The following TMEM132B variants were observed in gnomAD, a reference collection of about 807,000 sequenced individuals.
TMEM132B encodes transmembrane protein 132B.
Under a neutral mutation model 90.8 loss-of-function variants are expected in TMEM132B, and 18 were observed. The ratio of observed to expected loss-of-function variants is 0.20; its 90% CI spans 0.14 to 0.29. The LOEUF (loss-of-function observed/expected upper bound fraction) is 0.29. TMEM132B is among the 10% of genes least tolerant of loss of function. The pLI is 1.00. For missense variants in TMEM132B, 1,096 were observed against 1,326.8 expected (o/e 0.83, Z 2.70); for synonymous variants, 504 against 523.3 (o/e 0.96, Z 0.50).
chr12:125,470,844 G>A (rs977206748), intron 3 of TMEM132B, among the ~76,000 whole-genome samples: 24 of 152,270 alleles, frequency 1.6e-4, no homozygotes, highest in African/African-American at 5.8e-4. Context: ...TTCTCTGGGA[G>A]TCATTTTTCC....
At chr12:125,449,679 G>T (rs1352134442) in intron 3 of TMEM132B, among the ~76,000 whole-genome samples, 1 of 122,066 alleles carries the variant, frequency 8.2e-6, no homozygotes, top group African/African-American at 3.5e-5. Context: ...TCAAATTGTG[G>T]GGTTTTTTTT....
chr12:125,241,028 C>T (rs1468412886), intron 1 of TMEM132B, among the ~76,000 whole-genome samples: 3 of 152,274 alleles, frequency 2.0e-5, no homozygotes, highest in Middle Eastern at 3.4e-3. Context: ...TTTAAAACAA[C>T]GATTCTTAAC....
At chr12:125,575,080 A>ATATG (rs1884910335) in intron 4 of TMEM132B, among the ~76,000 whole-genome samples, 1 of 116,604 alleles carries the variant, frequency 8.6e-6, no homozygotes, top group African/African-American at 3.0e-5. Context: ...ATATATATAT[A>ATATG]TATTCAGGAG....
At chr12:125,449,381 T>C (rs751801096) in intron 3 of TMEM132B, among the ~76,000 whole-genome samples, 11 of 152,254 alleles carry the variant, frequency 7.2e-5, no homozygotes, top group Non-Finnish European at 1.6e-4. Flanking sequence ...TGAAATTGCT[T>C]ATAACATTCT....
intron 2 of TMEM132B, among the ~76,000 whole-genome samples, chr12:125,388,696 G>T (rs1878919175): frequency 6.6e-6 from 1 of 152,112 alleles, no homozygotes; most frequent in Non-Finnish European, 1.5e-5. Context: ...ATCTTTTCCA[G>T]AACAGTGTTC....
chr12:125,424,091 A>G (rs1880246718), intron 3 of TMEM132B, among the ~76,000 whole-genome samples: 1 of 152,208 alleles, frequency 6.6e-6, no homozygotes, highest in Admixed American at 6.5e-5. Flanking sequence ...TATTCTATTC[A>G]TTCCCCATAT....
At chr12:125,520,195 A>G (rs1365294313) in intron 4 of TMEM132B, among the ~76,000 whole-genome samples, 1 of 152,168 alleles carries the variant, frequency 6.6e-6, no homozygotes, top group Non-Finnish European at 1.5e-5. Context: ...AGTTACGTTC[A>G]TAGTCAAGCT....
At chr12:125,345,741 T>G (rs1003287007) in intron 1 of TMEM132B, among the ~76,000 whole-genome samples, 3 of 152,292 alleles carry the variant, frequency 2.0e-5, no homozygotes, top group African/African-American at 7.2e-5. Context: ...GAAGTTCTTT[T>G]CAGCTGGGCC....
chr12:125,314,637 G>A (rs1021490860), intron 1 of TMEM132B, among the ~76,000 whole-genome samples: 25 of 152,126 alleles, frequency 1.6e-4, no homozygotes, highest in African/African-American at 5.8e-4. Context: ...AAGAGGTCGC[G>A]AACCCTCGCG....
chr12:125,463,695 G>A (rs1881494822), intron 3 of TMEM132B, among the ~76,000 whole-genome samples: 1 of 152,170 alleles, frequency 6.6e-6, no homozygotes, highest in Non-Finnish European at 1.5e-5. Context: ...TAGAATTAGA[G>A]GGATGGTGAA....
chr12:125,550,809 A>G (rs1884209521), intron 4 of TMEM132B, among the ~76,000 whole-genome samples: 1 of 151,824 alleles, frequency 6.6e-6, no homozygotes, highest in Non-Finnish European at 1.5e-5. Context: ...ACGGAGTTTC[A>G]CTCTTGTTGC....
intron 3 of TMEM132B, among the ~76,000 whole-genome samples, chr12:125,483,496 GGTTGA>G (rs1453135074): frequency 2.6e-5 from 4 of 151,436 alleles, no homozygotes; most frequent in East Asian, 1.9e-4. Flanking sequence ...CTTGTTAATT[GGTTGA>G]GTTATTTTTT....
intron 3 of TMEM132B, among the ~76,000 whole-genome samples, chr12:125,456,295 T>A (rs1369678935): frequency 6.6e-6 from 1 of 152,258 alleles, no homozygotes; most frequent in Non-Finnish European, 1.5e-5. Context: ...GAAGCAGCTT[T>A]CCTGGGAAGA....
intron 5 of TMEM132B, among the ~76,000 whole-genome samples, chr12:125,630,763 C>A (rs1240592994): frequency 6.6e-6 from 1 of 151,948 alleles, no homozygotes; most frequent in Non-Finnish European, 1.5e-5. Flanking sequence ...CAATTAGGCC[C>A]CACTGTCTGT....
In TMEM132B at chr12:125,652,499, A is replaced by G. The variant is rs1468965007; in HGVS notation, c.1973A>G (p.Asp658Gly). The change falls in exon 8 of 9, where the codon GAC (aspartate) becomes GGC (glycine). Residue 658 changes from aspartate to glycine, a missense_variant. Asp to Gly is a moderately conservative substitution (Grantham distance 94). Coordinates refer to ENST00000682704, the MANE Select transcript of TMEM132B (RefSeq NM_001366854.1). Reference protein sequence around the residue: ...LAEKTVIVLDDRVTIAELGVQ... With the variant: ...LAEKTVIVLDGRVTIAELGVQ... ...GAGAAGACGGTGATTGTCCTGGATG[A>G]CCGAGTCACCATCGCGGAGCTGGGA... The G allele has an allele frequency of 7.4e-6, 12 of 1,613,470 alleles. No homozygotes were observed. The highest frequency in any genetic ancestry group is 1.0e-5 in the Non-Finnish European group (12 of 1,179,628).
At chr12:125,324,548 C>T (rs566732740) in intron 1 of TMEM132B, among the ~76,000 whole-genome samples, 169 of 152,322 alleles carry the variant, frequency 1.1e-3, no homozygotes, top group Non-Finnish European at 1.4e-3. Flanking sequence ...TGTTAGGAAC[C>T]GGACCACACA....
chr12:125,512,158 C>T (rs1357663398), intron 3 of TMEM132B, among the ~76,000 whole-genome samples: 3 of 152,218 alleles, frequency 2.0e-5, no homozygotes, highest in South Asian at 2.1e-4. Context: ...CACAAATGTC[C>T]GCAGGGACTT....
chr12:125,377,647 A>G (rs1878535988), intron 2 of TMEM132B, among the ~76,000 whole-genome samples: 1 of 152,192 alleles, frequency 6.6e-6, no homozygotes, highest in African/African-American at 2.4e-5. Flanking sequence ...CCATGTTGTT[A>G]TAATTTTTAT....
At chr12:125,541,804 G>C (rs1883963504) in intron 4 of TMEM132B, among the ~76,000 whole-genome samples, 2 of 151,708 alleles carry the variant, frequency 1.3e-5, no homozygotes, top group South Asian at 4.2e-4. Flanking sequence ...TGGATCACGA[G>C]GTCAGGAGAT....
Sources: gnomAD v4.1 joint callset for allele counts (sites outside exome capture counted in the v4.1 genomes callset) on GRCh38, gnomAD v4.1.1 for gene constraint, MANE v1.5 for transcripts, NCBI Gene and HGNC (gene_info 2026-07-23, HGNC 2026-07-21) for gene names.